The following CGB7 variants were observed in gnomAD, a reference collection of about 807,000 sequenced individuals.
The protein encoded by CGB7 is choriogonadotropin subunit beta 7.
Under a neutral mutation model 7.3 loss-of-function variants are expected in CGB7, and 6 were observed. The ratio of observed to expected loss-of-function variants is 0.82; its 90% CI spans 0.45 to 1.62. The LOEUF (loss-of-function observed/expected upper bound fraction) is 1.62. Ranked by LOEUF, CGB7 falls within the 40% of genes most tolerant of loss-of-function variation. CGB7 has a pLI of 0.01. For missense variants in CGB7, 114 were observed against 236.2 expected (o/e 0.48, Z 3.39); for synonymous variants, 47 against 100.8 (o/e 0.47, Z 3.20).
rs143619140 is a variant in CGB7 at position 49,056,386 on chromosome 19, C to T, written c.-1011G>A. The T allele has an allele frequency of 7.7e-7, 1 of 1,295,212 alleles. No individual in the cohort carries two copies. Among genetic ancestry groups the T allele is most frequent in the Non-Finnish European group, 1.0e-6 (1 of 992,242 alleles). The allele number at this position is 1,295,212 out of a possible 1,614,324, so 80.2% of individuals were successfully genotyped here. On this transcript the variant is annotated 5_prime_UTR_variant, in exon 3 of 5. Transcript: ENST00000684222. The stretch of plus-strand genomic sequence containing the variant: ...GGGGGCCACCCCAAGTCGCCTCCAG[C>T]GGGCGGAAGCGGTCGAGCCGGCGGA...
Position 49,054,507 on chromosome 19 carries a change from G to C in CGB7, c.282C>G (p.Arg94=), listed in dbSNP as rs1271187994. The change falls in exon 5 of 5, where the codon CGC becomes CGG. Residue 94 remains arginine (R), a synonymous_variant. Transcript: ENST00000684222. ...CGTAGGAGACCACGGGGTTCACGCC[G>C]CGCGGGCAGCCAGGGAGCCGGATGG... is the stretch of plus-strand genomic sequence containing the variant. The part of the protein sequence containing the change: ...FESIRLPGCP[R]GVNPVVSYAV... 6.6e-6 allele frequency: 10 copies of C among 1,509,682 alleles called. No individual in the cohort carries two copies. Among genetic ancestry groups the C allele is most frequent in the South Asian group, 1.2e-5 (1 of 86,252 alleles). The allele number at this position is 1,509,682 out of a possible 1,614,324, so 93.5% of individuals were successfully genotyped here. A position where few individuals can be genotyped will look rare whatever the true frequency, so the allele number is the denominator to read the frequency against.
Position 49,055,353 on chromosome 19 carries a change from A to C in CGB7, c.15+8T>G. On this transcript the variant is annotated splice_region_variant and intron_variant, in intron 3 of 4. Coordinates refer to ENST00000684222, the MANE Select transcript of CGB7 (RefSeq NM_001385261.1). ...GGTGGAAGGTGCCCAGGGGCCCTGCAGTCTTACCTGGAACATCTCCATCCT... is the reference window on the plus strand; with the variant it reads ...GGTGGAAGGTGCCCAGGGGCCCTGCCGTCTTACCTGGAACATCTCCATCCT... The C allele has an allele frequency of 1.2e-6, 2 of 1,613,042 alleles. No homozygotes were observed. Among genetic ancestry groups the C allele is most frequent in the Non-Finnish European group, 1.7e-6 (2 of 1,179,744 alleles).
In CGB7 at chr19:49,055,919, C is replaced by T; in HGVS notation, c.-544G>A. The T allele has an allele frequency of 6.4e-6, 7 of 1,089,268 alleles. No individual in the cohort carries two copies. Among genetic ancestry groups the T allele is most frequent in the Non-Finnish European group, 7.9e-6 (7 of 888,812 alleles). 67.5% of individuals were successfully genotyped at this position (1,089,268 alleles called of 1,614,324 possible). On this transcript the variant is annotated 5_prime_UTR_variant, in exon 3 of 5. Coordinates refer to ENST00000684222, the MANE Select transcript of CGB7 (RefSeq NM_001385261.1). Reference sequence around the variant, plus strand: ...ACGAGGGATTCAGCCCGAGCCCCACCTCTCCCTTAGGAACCTCCGCCCACC... The same window carrying T: ...ACGAGGGATTCAGCCCGAGCCCCACTTCTCCCTTAGGAACCTCCGCCCACC...
rs765802719 is a variant in CGB7 at position 49,057,133 on chromosome 19, C to A, written c.-1233G>T. 1.4e-5 allele frequency: 21 copies of A among 1,533,912 alleles called. No individual in the cohort carries two copies. Among genetic ancestry groups the A allele is most frequent in the Middle Eastern group, 2.0e-4 (1 of 4,964 alleles). On this transcript the variant is annotated 5_prime_UTR_variant, in exon 2 of 5. Transcript: ENST00000684222. Reference sequence around the variant, plus strand: ...GAGCCCGGCTTACTTGGGATAGAACCGAAAGTCCCGCGCCGAGGTGGTCAG... The same window carrying A: ...GAGCCCGGCTTACTTGGGATAGAACAGAAAGTCCCGCGCCGAGGTGGTCAG...
Position 49,056,123 on chromosome 19 carries a change from C to T in CGB7, c.-748G>A, listed in dbSNP as rs2040058368. 8.4e-7 allele frequency: 1 copy of T among 1,189,650 alleles called. No individual in the cohort carries two copies. Among genetic ancestry groups the T allele is most frequent in the South Asian group, 1.5e-5 (1 of 64,858 alleles). 73.7% of individuals were successfully genotyped at this position (1,189,650 alleles called of 1,614,324 possible). A position where few individuals can be genotyped will look rare whatever the true frequency, so the allele number is the denominator to read the frequency against. On this transcript the variant is annotated 5_prime_UTR_variant, in exon 3 of 5. Coordinates refer to ENST00000684222, the MANE Select transcript of CGB7 (RefSeq NM_001385261.1). ...TCCAGCCGCAGCTGAGTGGGCGTGT[C>T]TGGGCTAGTCCTGTCCCCACACTGC...
Position 49,054,859 on chromosome 19 carries a change from G to A in CGB7, c.165C>T (p.Ala55=), listed in dbSNP as rs749436358. Residue 55 remains alanine, a synonymous_variant, in exon 4 of 5, where the codon GCC becomes GCT. Coordinates refer to ENST00000684222, the MANE Select transcript of CGB7 (RefSeq NM_001385261.1). ...AGCTCACCATGGTGGGGCAGTAGCC[G>A]GCACAGATGGTGGTGTTGACGGTGA... is the stretch of plus-strand genomic sequence containing the variant. ...VCITVNTTIC[A]GYCPTMTRVL... 2.0e-5 allele frequency: 31 copies of A among 1,587,630 alleles called. No homozygotes were observed. Among genetic ancestry groups the A allele is most frequent in the African/African-American group, 5.6e-5 (4 of 71,714 alleles).
Position 49,057,663 on chromosome 19 carries a change from AC to A in CGB7, c.-1551del, listed in dbSNP as rs3840912. ...CTCAGAATATTCTAGTCTCCTCCCC[AC>A]CCACAGCCCGCCGTCTAGCTCCGCA... On this transcript the variant is annotated 5_prime_UTR_variant, in exon 1 of 5. Transcript: ENST00000684222. 0.2 allele frequency: 237,771 copies of A among 1,210,832 alleles called. 24,504 individuals are homozygous for A. The highest frequency in any genetic ancestry group is 0.21 in the Non-Finnish European group (201,439 of 969,168). The allele number at this position is 1,210,832 out of a possible 1,614,324, so 75.0% of individuals were successfully genotyped here.
Position 49,057,023 on chromosome 19 carries a change from C to A in CGB7, c.-1221+98G>T. 3 of 1,312,198 alleles carry A rather than the reference C, an allele frequency of 2.3e-6. No homozygotes were observed. The East Asian group carries it at 7.6e-5, about 33-fold the overall frequency. The allele number at this position is 1,312,198 out of a possible 1,614,324, so 81.3% of individuals were successfully genotyped here. ...GCTGCTATAGGAGTCGAGACTGAGA[C>A]CACCGGTCAGGGAATGGGAGCCAGC... On this transcript the variant is annotated intron_variant, in intron 2 of 4. Coordinates refer to ENST00000684222, the MANE Select transcript of CGB7 (RefSeq NM_001385261.1).
In CGB7 at chr19:49,054,429, G is replaced by T; in HGVS notation, c.360C>A (p.Cys120Ter). The change falls in exon 5 of 5, where the codon TGC (cysteine) becomes TGA (stop). Residue 120 changes from cysteine to a stop codon, truncating the protein, a stop_gained. Transcript: ENST00000684222. LOFTEE classifies it low-confidence loss of function (END_TRUNC). ...TCAAGGGGTGGTCCTTGGGACCCCC[G>T]CAGTCAGTGGTGCTGCGGCGGCAGA... The part of the protein sequence containing the change: ...CALCRRSTTD[C>*]GGPKDHPLTC... 1 of 1,595,136 alleles carries T rather than the reference G, an allele frequency of 6.3e-7. No individual in the cohort carries two copies. The highest frequency in any genetic ancestry group is 1.1e-5 in the South Asian group (1 of 89,104).
At chr19:49,056,901 G>A (rs551799836) in intron 2 of CGB7, among the ~76,000 whole-genome samples, 4 of 152,326 alleles carry the variant, frequency 2.6e-5, no homozygotes, top group African/African-American at 9.6e-5. Flanking sequence ...TCGAGCCGCT[G>A]TGCAGGCTTC....
chr19:49,057,276 C>T (rs576273388), intron 1 of CGB7, 28 bp from the exon 2 acceptor site: 1 of 1,522,968 alleles, frequency 6.6e-7, no homozygotes, highest in East Asian at 2.5e-5. Context: ...AGGAGGCATA[C>T]CCAAGACATA....
At position 49,054,300 on chromosome 19, in the gene CGB7, G is replaced by A. The variant is rs2040025917; in HGVS notation, c.489C>T (p.Leu163=). The change falls in exon 5 of 5, where the codon CTC becomes CTT. Residue 163 remains leucine (L), a synonymous_variant. Coordinates refer to ENST00000684222, the MANE Select transcript of CGB7 (RefSeq NM_001385261.1). ...RLPGPSDTPI[L]PQ is the part of the protein sequence containing the mutation. ...GCGGATTGAGAAGCCTTTATTGTGG[G>A]AGGATCGGGGTGTCTGAGGGCCCCG... 3 of 1,603,830 alleles carry A rather than the reference G, an allele frequency of 1.9e-6. No individual in the cohort carries two copies. Among genetic ancestry groups the A allele is most frequent in the East Asian group, 4.5e-5 (2 of 44,810 alleles).
At position 49,056,386 on chromosome 19, in the gene CGB7, C is replaced by A. The variant is rs143619140; in HGVS notation, c.-1011G>T. 0.013 allele frequency: 16,571 copies of A among 1,295,324 alleles called. 136 individuals are homozygous for A. The highest frequency in any genetic ancestry group is 0.015 in the Non-Finnish European group (14,581 of 992,232). 80.2% of individuals were successfully genotyped at this position (1,295,324 alleles called of 1,614,324 possible). On this transcript the variant is annotated 5_prime_UTR_variant, in exon 3 of 5. Coordinates refer to ENST00000684222, the MANE Select transcript of CGB7 (RefSeq NM_001385261.1). ...GGGGGCCACCCCAAGTCGCCTCCAG[C>A]GGGCGGAAGCGGTCGAGCCGGCGGA... is the stretch of plus-strand genomic sequence containing the variant.
chr19:49,055,697 T>C lies in CGB7; in HGVS notation c.-322A>G, dbSNP rs1600241107. 1.5e-6 allele frequency: 2 copies of C among 1,306,090 alleles called. No homozygotes were observed. The highest frequency in any genetic ancestry group is 6.4e-5 in the Admixed American group (2 of 31,128). The allele number at this position is 1,306,090 out of a possible 1,614,324, so 80.9% of individuals were successfully genotyped here. A position where few individuals can be genotyped will look rare whatever the true frequency, so the allele number is the denominator to read the frequency against. ...AGGCCTGCCTCTGCCTATGGTGGGG[T>C]CTTGGGAACCAGGAGGAGGCCGTGA... is the stretch of plus-strand genomic sequence containing the variant. On this transcript the variant is annotated 5_prime_UTR_variant, in exon 3 of 5. Transcript: ENST00000684222.
chr19:49,056,576 G>C lies in CGB7; in HGVS notation c.-1201C>G. 1 of 1,295,046 alleles carries C rather than the reference G, an allele frequency of 7.7e-7. No homozygotes were observed. The highest frequency in any genetic ancestry group is 1.5e-5 in the African/African-American group (1 of 66,158). 80.2% of individuals were successfully genotyped at this position (1,295,046 alleles called of 1,614,324 possible). A position where few individuals can be genotyped will look rare whatever the true frequency, so the allele number is the denominator to read the frequency against. ...CAGTAGGTCAGGTAGTCCTTGCGGG[G>C]GTATCCGGACGGCTCCGTCCTGTGG... On this transcript the variant is annotated 5_prime_UTR_variant, in exon 3 of 5. Coordinates refer to ENST00000684222, the MANE Select transcript of CGB7 (RefSeq NM_001385261.1).
At position 49,056,217 on chromosome 19, in the gene CGB7, G is replaced by C; in HGVS notation, c.-842C>G. Reference sequence around the variant, plus strand: ...GTAGTGAGCGGCTGCCCAGAGCTCTGCTCCGCCCCCACGCCAGGGGGCGTG... The same window carrying C: ...GTAGTGAGCGGCTGCCCAGAGCTCTCCTCCGCCCCCACGCCAGGGGGCGTG... On this transcript the variant is annotated 5_prime_UTR_variant, in exon 3 of 5. Transcript: ENST00000684222. 1 of 1,286,338 alleles carries C rather than the reference G, an allele frequency of 7.8e-7. No homozygotes were observed. Among genetic ancestry groups the C allele is most frequent in the Non-Finnish European group, 1.0e-6 (1 of 987,060 alleles). 79.7% of individuals were successfully genotyped at this position (1,286,338 alleles called of 1,614,324 possible). A position where few individuals can be genotyped will look rare whatever the true frequency, so the allele number is the denominator to read the frequency against.
In CGB7 at chr19:49,056,288, C is replaced by T. The variant is rs1207721001; in HGVS notation, c.-913G>A. The T allele has an allele frequency of 3.9e-6, 5 of 1,291,980 alleles. No individual in the cohort carries two copies. The highest frequency in any genetic ancestry group is 5.0e-6 in the Non-Finnish European group (5 of 990,170). The allele number at this position is 1,291,980 out of a possible 1,614,324, so 80.0% of individuals were successfully genotyped here. A position where few individuals can be genotyped will look rare whatever the true frequency, so the allele number is the denominator to read the frequency against. On this transcript the variant is annotated 5_prime_UTR_variant, in exon 3 of 5. Transcript: ENST00000684222. The stretch of plus-strand genomic sequence containing the variant: ...GCAGGCTCCCACTAGCCCCGGCTTA[C>T]AGCGGCCTGAGCGGGAGTTCTCGGT...
At position 49,056,341 on chromosome 19, in the gene CGB7, GC is replaced by G. The variant is rs1231122876; in HGVS notation, c.-967del. On this transcript the variant is annotated 5_prime_UTR_variant, in exon 3 of 5. An upstream open reading frame in the 5' UTR gains an earlier in-frame stop. Transcript: ENST00000684222. ...TGTAGGCTTTCGGGACGCTGTGTAT[GC>G]CCGGCAGGGGCTTCCAGTGGGGGCC... 5 of 1,294,990 alleles carry G rather than the reference GC, an allele frequency of 3.9e-6. No individual in the cohort carries two copies. In the Admixed American group the frequency reaches 6.9e-5, roughly 18 times the overall value. The allele number at this position is 1,294,990 out of a possible 1,614,324, so 80.2% of individuals were successfully genotyped here. A position where few individuals can be genotyped will look rare whatever the true frequency, so the allele number is the denominator to read the frequency against.
Position 49,056,165 on chromosome 19 carries a change from T to C in CGB7, c.-790A>G. The C allele has an allele frequency of 8.0e-7, 1 of 1,248,744 alleles. No individual in the cohort carries two copies. The highest frequency in any genetic ancestry group is 1.0e-6 in the Non-Finnish European group (1 of 966,726). The allele number at this position is 1,248,744 out of a possible 1,614,324, so 77.4% of individuals were successfully genotyped here. A position where few individuals can be genotyped will look rare whatever the true frequency, so the allele number is the denominator to read the frequency against. Reference sequence around the variant, plus strand: ...CCACACTGCGGATAGACTTAATGAGTGCGAGCCCACCTAGGTCCGACACCG... The same window carrying C: ...CCACACTGCGGATAGACTTAATGAGCGCGAGCCCACCTAGGTCCGACACCG... On this transcript the variant is annotated 5_prime_UTR_variant, in exon 3 of 5. Coordinates refer to ENST00000684222, the MANE Select transcript of CGB7 (RefSeq NM_001385261.1).
Sources: gnomAD v4.1 joint callset for allele counts (sites outside exome capture counted in the v4.1 genomes callset) on GRCh38, gnomAD v4.1.1 for gene constraint, MANE v1.5 for transcripts, NCBI Gene and HGNC (gene_info 2026-07-23, HGNC 2026-07-21) for gene names.